PXT1: variants seen among roughly 807,000 people sequenced by gnomAD.
PXT1 encodes peroxisomal testis enriched protein 1.
Under a neutral mutation model 11.0 loss-of-function variants are expected in PXT1, and 11 were observed. That is an observed-to-expected ratio of 1.00 (90% confidence interval 0.63 to 1.66). The LOEUF (loss-of-function observed/expected upper bound fraction) is 1.66, where lower values mean the gene tolerates loss of function less well. Ranked by LOEUF, PXT1 falls within the 40% of genes most tolerant of loss-of-function variation. The pLI is 0.00. For missense variants in PXT1, 141 were observed against 155.5 expected (o/e 0.91, Z 0.49); for synonymous variants, 43 against 51.4 (o/e 0.84, Z 0.70).
chr6:36,395,448 A>C (rs1414190553), intron 4 of PXT1, among the ~76,000 whole-genome samples: 1 of 149,988 alleles, frequency 6.7e-6, no homozygotes, highest in African/African-American at 2.4e-5. Flanking sequence ...CTTGATTTGA[A>C]CTTTGAAGCA....
At chr6:36,418,837 G>A (rs543331733) in intron 3 of PXT1, among the ~76,000 whole-genome samples, 1 of 152,268 alleles carries the variant, frequency 6.6e-6, no homozygotes, top group African/African-American at 2.4e-5. Context: ...CTGCCAGCTG[G>A]GTTCAAAGTT....
rs890362516 is a variant in PXT1 at position 36,436,615 on chromosome 6, G to C, written c.-10+2152C>G. On this transcript the variant is annotated intron_variant, in intron 2 of 4. Coordinates refer to ENST00000454782, the MANE Select transcript of PXT1 (RefSeq NM_152990.4). ...GGGATGCAATGGCAGGAAATGATGA[G>C]TTCAATTTTGGATATACTTAGTGTT... 2.6e-5 allele frequency among the ~76,000 whole-genome samples: 4 copies of C among 152,156 alleles called. No homozygotes were observed. In the East Asian group the frequency reaches 5.8e-4, roughly 22 times the overall value.
chr6:36,406,535 G>A (rs760317589), intron 3 of PXT1, among the ~76,000 whole-genome samples: 2 of 152,092 alleles, frequency 1.3e-5, no homozygotes, highest in Non-Finnish European at 2.9e-5. Context: ...TCAAGAGGTC[G>A]GGTGTGGTGG....
chr6:36,395,528 G>T (rs1021036358), intron 4 of PXT1, among the ~76,000 whole-genome samples: 2 of 110,064 alleles, frequency 1.8e-5, no homozygotes, highest in Non-Finnish European at 1.8e-5. Context: ...TTTGAGACAG[G>T]GTCTCACTCT....
chr6:36,426,936 C>T (rs1459881068), intron 2 of PXT1, among the ~76,000 whole-genome samples: 10 of 152,000 alleles, frequency 6.6e-5, no homozygotes, highest in Admixed American at 4.6e-4. Flanking sequence ...ATTACTCTTC[C>T]GCCCCCTTTC....
chr6:36,426,508 T>G (rs1301060516), intron 2 of PXT1, among the ~76,000 whole-genome samples: 1 of 151,842 alleles, frequency 6.6e-6, no homozygotes, highest in African/African-American at 2.4e-5. Flanking sequence ...GTAGCTGGGA[T>G]CACAGGCATG....
rs917506172 is a variant in PXT1, at chr6:36,391,941, A to C, written c.301-67T>G. On this transcript the variant is annotated intron_variant, in intron 4 of 4. Coordinates refer to ENST00000454782, the MANE Select transcript of PXT1 (RefSeq NM_152990.4). ...TTTTTAAAAGTGATAGAATAATCCA[A>C]AGTTAAAAATTCAACACAATGGAAA... The C allele has an allele frequency of 5.9e-6, 6 of 1,013,678 alleles. No homozygotes were observed. The African/African-American group carries it at 8.1e-5, about 14-fold the overall frequency. The allele number at this position is 1,013,678 out of a possible 1,614,324, so 62.8% of individuals were successfully genotyped here. A position where few individuals can be genotyped will look rare whatever the true frequency, so the allele number is the denominator to read the frequency against.
chr6:36,430,389 T>C (rs374660180), intron 2 of PXT1, among the ~76,000 whole-genome samples: 3 of 152,142 alleles, frequency 2.0e-5, no homozygotes, highest in Non-Finnish European at 4.4e-5. Context: ...TCTGTAGATG[T>C]AATTATATTA....
chr6:36,434,334 G>A (rs79008831), intron 2 of PXT1, among the ~76,000 whole-genome samples: 2,089 of 152,216 alleles, frequency 0.014, 46 homozygotes, highest in African/African-American at 0.045. Context: ...CAAAATGTTG[G>A]TGATTATTGC....
At chr6:36,418,287 C>G (rs150716147) in intron 3 of PXT1, among the ~76,000 whole-genome samples, 204 of 152,134 alleles carry the variant, frequency 1.3e-3, no homozygotes, top group African/African-American at 4.7e-3. Context: ...CCAGATAATT[C>G]TAACATGCAC....
chr6:36,407,504 C>T (rs1582254124), intron 3 of PXT1, among the ~76,000 whole-genome samples: 1 of 152,010 alleles, frequency 6.6e-6, no homozygotes, highest in East Asian at 1.9e-4. Flanking sequence ...ATGTATACAT[C>T]CACACACAAG....
At chr6:36,391,936 A>T in intron 4 of PXT1, 62 bp from the exon 5 acceptor site, 1 of 1,041,396 alleles carries the variant, frequency 9.6e-7, no homozygotes, top group African/African-American at 1.6e-5. Context: ...TGATAGAATA[A>T]TCCAAAGTTA....
At chr6:36,392,101 C>T in intron 4 of PXT1, 1 of 453,752 alleles carries the variant, frequency 2.2e-6, no homozygotes, top group Non-Finnish European at 3.9e-6. Context: ...ACCGTCTTTC[C>T]CACCTGGCCT....
intron 3 of PXT1, among the ~76,000 whole-genome samples, chr6:36,408,703 C>CAAA (rs60161051): frequency 8.8e-6 from 1 of 113,406 alleles, no homozygotes; most frequent in South Asian, 3.1e-4. Flanking sequence ...CTGTCTCTAC[C>CAAA]AAAAAAAAAA....
chr6:36,437,497 A>G (rs998963102), intron 2 of PXT1, among the ~76,000 whole-genome samples: 1 of 139,050 alleles, frequency 7.2e-6, no homozygotes, highest in Non-Finnish European at 1.5e-5. Flanking sequence ...TATAAACAAA[A>G]AATATTTTTT....
intron 3 of PXT1, among the ~76,000 whole-genome samples, chr6:36,403,946 A>G (rs1217306271): frequency 1.3e-5 from 2 of 152,238 alleles, no homozygotes; most frequent in African/African-American, 4.8e-5. Flanking sequence ...CAGGGGATGT[A>G]GAACTTAAGA....
chr6:36,413,799 C>T (rs1166405879), intron 3 of PXT1, among the ~76,000 whole-genome samples: 2 of 152,112 alleles, frequency 1.3e-5, no homozygotes, highest in African/African-American at 4.8e-5. Context: ...GAGTTTGAGA[C>T]CAGCCTGGGC....
chr6:36,397,428 C>A (rs1774159061), intron 4 of PXT1, among the ~76,000 whole-genome samples: 1 of 151,928 alleles, frequency 6.6e-6, no homozygotes, highest in Non-Finnish European at 1.5e-5. Flanking sequence ...AAACAAACAA[C>A]AACAAAATCC....
In PXT1 at chr6:36,391,671, G is replaced by A; in HGVS notation, c.*99C>T. 1.2e-6 allele frequency: 1 copy of A among 833,520 alleles called. No individual in the cohort carries two copies. The highest frequency in any genetic ancestry group is 1.4e-5 in the South Asian group (1 of 70,802). The allele number at this position is 833,520 out of a possible 1,614,324, so 51.6% of individuals were successfully genotyped here. Reference sequence around the variant, plus strand: ...ACAGTGATGGGTACAAAAAGAGGGAGACGGAGAAGGGTGTTCTTCCCATCT... The same window carrying A: ...ACAGTGATGGGTACAAAAAGAGGGAAACGGAGAAGGGTGTTCTTCCCATCT... On this transcript the variant is annotated 3_prime_UTR_variant, in exon 5 of 5. Transcript: ENST00000454782.
Sources: gnomAD v4.1 joint callset for allele counts (sites outside exome capture counted in the v4.1 genomes callset) on GRCh38, gnomAD v4.1.1 for gene constraint, MANE v1.5 for transcripts, NCBI Gene and HGNC (gene_info 2026-07-23, HGNC 2026-07-21) for gene names.